Variants in TSPAN18 observed in about 807,000 individuals in gnomAD.
TSPAN18 encodes tetraspanin-18.
A neutral mutation model predicts 27.3 loss-of-function variants in TSPAN18; 14 were observed. That is an observed-to-expected ratio of 0.51 (90% CI 0.34 to 0.80). TSPAN18 has a LOEUF of 0.80. Among genes scored for constraint, TSPAN18 ranks in the 30% least tolerant of loss-of-function variants. TSPAN18 has a pLI of 0.01. For synonymous variants in TSPAN18, 143 were observed against 136.5 expected, an observed-to-expected ratio of 1.05 and a Z score of -0.33; for missense variants, 268 against 323.9, an observed-to-expected ratio of 0.83 and a Z score of 1.32.
At chr11:44,830,073 C>T (rs1046826367) in intron 2 of TSPAN18, among the ~76,000 whole-genome samples, 1 of 152,170 alleles carries the variant, frequency 6.6e-6, no homozygotes, top group African/African-American at 2.4e-5. Flanking sequence ...CACTTCCTTC[C>T]CCTAGCCCAC....
chr11:44,822,846 A>G (rs538206888), intron 2 of TSPAN18, among the ~76,000 whole-genome samples: 7 of 152,330 alleles, frequency 4.6e-5, no homozygotes, highest in South Asian at 2.1e-4. Context: ...ATTGTATAAT[A>G]TAAGTCCTGC....
chr11:44,832,271 A>T (rs1857170450), intron 2 of TSPAN18, among the ~76,000 whole-genome samples: 1 of 152,170 alleles, frequency 6.6e-6, no homozygotes, highest in Admixed American at 6.5e-5. Context: ...ATCAGTATGC[A>T]TTCTGCATCT....
intron 2 of TSPAN18, among the ~76,000 whole-genome samples, chr11:44,789,496 A>C (rs917944198): frequency 1.3e-5 from 2 of 152,214 alleles, no homozygotes; most frequent in Non-Finnish European, 2.9e-5. Context: ...ACAAAGGCCT[A>C]TCTTGAAGGG....
At chr11:44,832,294 T>C (rs941784964) in intron 2 of TSPAN18, among the ~76,000 whole-genome samples, 1 of 152,170 alleles carries the variant, frequency 6.6e-6, no homozygotes, top group African/African-American at 2.4e-5. Context: ...CCAAGGCCTA[T>C]GTTTGTGGCA....
At chr11:44,835,111 G>A (rs970978931) in intron 2 of TSPAN18, among the ~76,000 whole-genome samples, 3 of 152,200 alleles carry the variant, frequency 2.0e-5, no homozygotes, top group South Asian at 2.1e-4. Flanking sequence ...AGGGGGCTCC[G>A]GCAGCTCAAA....
intron 2 of TSPAN18, among the ~76,000 whole-genome samples, chr11:44,797,781 G>A (rs1027187692): frequency 7.2e-5 from 11 of 152,130 alleles, no homozygotes; most frequent in African/African-American, 9.7e-5. Flanking sequence ...TGAAAAATTT[G>A]GGAGGAATTA....
intron 2 of TSPAN18, among the ~76,000 whole-genome samples, chr11:44,845,244 T>G (rs1190598790): frequency 5.9e-5 from 9 of 152,186 alleles, no homozygotes; most frequent in Non-Finnish European, 4.4e-5. Flanking sequence ...CAATATGGGG[T>G]GAAATCATAG....
intron 2 of TSPAN18, among the ~76,000 whole-genome samples, chr11:44,841,100 T>C (rs555867701): frequency 3.1e-4 from 47 of 152,246 alleles, no homozygotes; most frequent in African/African-American, 1.1e-3. Flanking sequence ...CAAAGATTTA[T>C]TGAGTGTCTA....
At chr11:44,781,460 A>G (rs1307420664) in intron 2 of TSPAN18, among the ~76,000 whole-genome samples, 1 of 152,226 alleles carries the variant, frequency 6.6e-6, no homozygotes, top group Non-Finnish European at 1.5e-5. Flanking sequence ...GTGGGACACT[A>G]TTGTGTCTGT....
At chr11:44,874,336 C>T (rs766576096) in intron 3 of TSPAN18, among the ~76,000 whole-genome samples, 10 of 152,202 alleles carry the variant, frequency 6.6e-5, no homozygotes, top group Non-Finnish European at 1.0e-4. Flanking sequence ...CCATAATAGT[C>T]AATGGTCTTT....
intron 5 of TSPAN18, among the ~76,000 whole-genome samples, chr11:44,910,489 G>A (rs1397860944): frequency 6.6e-6 from 1 of 152,218 alleles, no homozygotes; most frequent in Non-Finnish European, 1.5e-5. Flanking sequence ...TTGGCATCCA[G>A]GTCTGAACAA....
At chr11:44,731,633 T>TGTGTGTGAGAGA (rs139154582) in intron 1 of TSPAN18, among the ~76,000 whole-genome samples, 6,527 of 107,306 alleles carry the variant, frequency 0.061, 267 homozygotes, top group South Asian at 0.08. Flanking sequence ...TGTGTGTGTG[T>TGTGTGTGAGAGA]GAGAGAGAGA....
intron 2 of TSPAN18, among the ~76,000 whole-genome samples, chr11:44,820,969 G>A (rs1273834386): frequency 6.6e-6 from 1 of 152,168 alleles, no homozygotes; most frequent in Non-Finnish European, 1.5e-5. Context: ...TGTACAGCCT[G>A]TAGAACAATG....
At chr11:44,788,840 A>G (rs1443247567) in intron 2 of TSPAN18, among the ~76,000 whole-genome samples, 1 of 152,154 alleles carries the variant, frequency 6.6e-6, no homozygotes, top group Non-Finnish European at 1.5e-5. Context: ...GATTAAGAGG[A>G]GGTCATATGT....
intron 2 of TSPAN18, among the ~76,000 whole-genome samples, chr11:44,846,544 A>G (rs1020977900): frequency 2.0e-5 from 3 of 152,028 alleles, no homozygotes; most frequent in East Asian, 1.9e-4. Context: ...AGGCCCGAAT[A>G]TTTAACAGAA....
At chr11:44,857,117 C>T (rs1857758526) in intron 2 of TSPAN18, among the ~76,000 whole-genome samples, 1 of 152,182 alleles carries the variant, frequency 6.6e-6, no homozygotes, top group Non-Finnish European at 1.5e-5. Context: ...GAAACTGAGG[C>T]CCAGAGGTGG....
At chr11:44,763,449 C>T (rs1365618923) in intron 1 of TSPAN18, among the ~76,000 whole-genome samples, 1 of 152,150 alleles carries the variant, frequency 6.6e-6, no homozygotes, top group Non-Finnish European at 1.5e-5. Flanking sequence ...GGACTTCTAA[C>T]CCCACTGGCA....
chr11:44,927,550 C>T (rs1590708483), intron 9 of TSPAN18, among the ~76,000 whole-genome samples: 1 of 152,206 alleles, frequency 6.6e-6, no homozygotes, highest in Admixed American at 6.5e-5. Flanking sequence ...TGCAGCGCCA[C>T]GGAGTGCAGT....
chr11:44,762,615 A>ATG (rs533032652), intron 1 of TSPAN18, among the ~76,000 whole-genome samples: 4,413 of 149,934 alleles, frequency 0.029, 63 homozygotes, highest in Middle Eastern at 0.041. Context: ...ATATACACAT[A>ATG]TGTGTGTGTG....
Sources: gnomAD v4.1 joint callset for allele counts (sites outside exome capture counted in the v4.1 genomes callset) on GRCh38, gnomAD v4.1.1 for gene constraint, MANE v1.5 for transcripts, NCBI Gene and HGNC (gene_info 2026-07-23, HGNC 2026-07-21) for gene names.